SCAF11: variants seen among roughly 807,000 people sequenced by gnomAD.
SCAF11 encodes protein SCAF11.
In SCAF11, 47 loss-of-function variants were observed where a neutral mutation model predicts 140.5. That is an observed-to-expected ratio of 0.33 (90% CI 0.26 to 0.43). The LOEUF (loss-of-function observed/expected upper bound fraction) is 0.43. Among genes scored for constraint, SCAF11 ranks in the 20% least tolerant of loss-of-function variants. SCAF11 has a pLI of 1.00. For missense variants in SCAF11, 1,645 were observed against 1,705.1 expected (o/e 0.96, Z 0.62); for synonymous variants, 557 against 579.4 (o/e 0.96, Z 0.55).
Position 45,922,077 on chromosome 12 carries a change from G to C in SCAF11, c.4363C>G (p.Pro1455Ala), listed in dbSNP as rs746200797. 75 of 1,612,834 alleles carry C rather than the reference G, an allele frequency of 4.7e-5. No individual in the cohort carries two copies. The highest frequency in any genetic ancestry group is 3.3e-4 in the Middle Eastern group (2 of 6,078). ...KGSQKKTLEE[P>A]VSTEKNIG ...CCTATGTTTTTTTCAGTAGACACAG[G>C]TTCTTCCAGAGTTTTCTTTTGGCTC... The change falls in exon 15 of 15, where the codon CCT becomes GCT. Residue 1455 changes from proline to alanine, a missense_variant. Physicochemically the swap from Pro to Ala is conservative, Grantham distance 27 (BLOSUM62 -1). Coordinates refer to ENST00000369367, the MANE Select transcript of SCAF11 (RefSeq NM_004719.3).
chr12:45,929,599 CAGAA>C (rs1459740966), intron 10 of SCAF11: 1 of 152,164 alleles, frequency 6.6e-6, no homozygotes, highest in African/African-American at 2.4e-5. Context: ...AAGCCTGAAA[CAGAA>C]AGGAGACTTC....
upstream of SCAF11, chr12:45,991,929 T>C (rs746889106): frequency 1.3e-5 from 17 of 1,287,742 alleles, no homozygotes; most frequent in Non-Finnish European, 1.3e-5. Flanking sequence ...CGTTTTCCTG[T>C]CGCCTGCCCC....
At position 45,926,874 on chromosome 12, in the gene SCAF11, AG is replaced by A; in HGVS notation, c.2826del (p.Ser943GlnfsTer63). On this transcript the variant is annotated frameshift_variant, in exon 11 of 15. Transcript: ENST00000369367. LOFTEE classifies it high-confidence loss of function. ...WSRSRSHSRS[P>X]SRCRTKSKSS... ...CTCTTACTTTTTGTTCTACATCTTGAGGGGGACCTAGAATGAGATCTGGACC... is the reference window on the plus strand; with the variant it reads ...CTCTTACTTTTTGTTCTACATCTTGAGGGGACCTAGAATGAGATCTGGACC... 1 of 1,613,882 alleles carries A rather than the reference AG, an allele frequency of 6.2e-7. No individual in the cohort carries two copies. The highest frequency in any genetic ancestry group is 8.5e-7 in the Non-Finnish European group (1 of 1,180,032).
chr12:45,922,032 G>C lies in SCAF11; in HGVS notation c.*16C>G. On this transcript the variant is annotated 3_prime_UTR_variant, in exon 15 of 15. Transcript: ENST00000369367. ...TTGCAGATATCCTGATAATGTCCTT[G>C]ACAGCGTTCCCCATTTCAGCCTATG... The C allele has an allele frequency of 6.2e-7, 1 of 1,604,942 alleles. No individual in the cohort carries two copies. Among genetic ancestry groups the C allele is most frequent in the Non-Finnish European group, 8.5e-7 (1 of 1,177,386 alleles).
intron 3 of SCAF11, chr12:45,954,709 A>G (rs1281930378): frequency 6.8e-6 from 1 of 146,630 alleles, no homozygotes; most frequent in Non-Finnish European, 1.5e-5. Flanking sequence ...TAGCTGGGAT[A>G]CATGCATGTA....
chr12:45,945,583 C>T (rs1310957404), intron 5 of SCAF11, among the ~76,000 whole-genome samples: 6 of 143,506 alleles, frequency 4.2e-5, no homozygotes, highest in Admixed American at 3.6e-4. Flanking sequence ...GACACCCAGG[C>T]TGGACTGTTG....
rs755740479 is a variant in SCAF11 at position 45,951,719 on chromosome 12, A to G, written c.228T>C (p.Ala76=). Reference sequence around the variant, plus strand: ...AAGGTTTACGGTCAATAGGACATGAAGCCAGTGTCTGAAAAGTGATTAACA... The same window carrying G: ...AAGGTTTACGGTCAATAGGACATGAGGCCAGTGTCTGAAAAGTGATTAACA... The part of the protein sequence containing the change: ...TCILKWAETL[A]SCPIDRKPFQ... The change falls in exon 4 of 15, where the codon GCT becomes GCC. Residue 76 remains alanine (A), a synonymous_variant. Coordinates refer to ENST00000369367, the MANE Select transcript of SCAF11 (RefSeq NM_004719.3). 1 of 1,583,040 alleles carries G rather than the reference A, an allele frequency of 6.3e-7. No homozygotes were observed. Among genetic ancestry groups the G allele is most frequent in the Non-Finnish European group, 8.6e-7 (1 of 1,159,888 alleles).
intron 1 of SCAF11, among the ~76,000 whole-genome samples, chr12:45,988,576 G>A (rs1318003261): frequency 6.6e-6 from 1 of 152,056 alleles, no homozygotes; most frequent in East Asian, 1.9e-4. Flanking sequence ...CCACATGAAG[G>A]TATTAACAGA....
At position 45,927,203 on chromosome 12, in the gene SCAF11, G is replaced by A. The variant is rs760755774; in HGVS notation, c.2498C>T (p.Pro833Leu). ...TCTGGCTGACTCATTCTTAGGAGAT[G>A]GTGATTGAGACTTCCTGCTTTCTTT... Reference protein sequence around the residue: ...TGKESRKSQSPSPKNESARGR... With the variant: ...TGKESRKSQSLSPKNESARGR... Residue 833 changes from proline to leucine, a missense_variant, in exon 11 of 15, where the codon CCA becomes CTA. Around this residue, in one of 2 missense-constraint regions of SCAF11, gnomAD observed 1,582 missense variants for 1,609.2 expected, o/e 0.98. Transcript: ENST00000369367. 4 of 1,614,074 alleles carry A rather than the reference G, an allele frequency of 2.5e-6. No homozygotes were observed. The highest frequency in any genetic ancestry group is 3.4e-6 in the Non-Finnish European group (4 of 1,180,000).
At chr12:45,963,880 C>CAA (rs749927651) in intron 2 of SCAF11, among the ~76,000 whole-genome samples, 27 of 151,704 alleles carry the variant, frequency 1.8e-4, no homozygotes, top group Non-Finnish European at 3.4e-4. Flanking sequence ...AGAGAGTAAA[C>CAA]CTTTAAGAAA....
chr12:45,939,646 CGAGATCGTGCCATT>C lies in SCAF11; in HGVS notation c.464-5155_464-5142del, dbSNP rs1295542951. Among the ~76,000 whole-genome samples the C allele has an allele frequency of 2.0e-4, 30 of 152,228 alleles. No homozygotes were observed. In the East Asian group the frequency reaches 3.9e-3, roughly 20 times the overall value. ...CCAGGAGGCGGAGGTTGCAGTGAGC[CGAGATCGTGCCATT>C]GAGATCGTGCCATTGCACTCTAGCC... On this transcript the variant is annotated intron_variant, in intron 6 of 14. Coordinates refer to ENST00000369367, the MANE Select transcript of SCAF11 (RefSeq NM_004719.3).
At chr12:45,935,717 C>G (rs1015642050) in intron 6 of SCAF11, among the ~76,000 whole-genome samples, 1 of 152,154 alleles carries the variant, frequency 6.6e-6, no homozygotes, top group Non-Finnish European at 1.5e-5. Flanking sequence ...ATAAAATGCT[C>G]TCTACTGAAA....
At chr12:45,974,639 AGG>A in intron 1 of SCAF11, 1 of 183,110 alleles carries the variant, frequency 5.5e-6, no homozygotes, top group Non-Finnish European at 1.2e-5. Context: ...TCATGTCTTC[AGG>A]CTCCACTTCT....
rs554050659 is a variant in SCAF11 at position 45,968,196 on chromosome 12, TTC to T, written c.-21-4010_-21-4009del. ...AATTATCTATAAGTCAAATTGTATT[TTC>T]TTTTATTGGTTCTACATTTACTAAA... is the stretch of plus-strand genomic sequence containing the variant. On this transcript the variant is annotated intron_variant, in intron 1 of 14. Transcript: ENST00000369367. Among the ~76,000 whole-genome samples, 634 of 152,368 alleles carry T rather than the reference TTC, an allele frequency of 4.2e-3. 1 individual carries two copies. Among genetic ancestry groups the T allele is most frequent in the Middle Eastern group, 0.014 (4 of 294 alleles).
At chr12:45,944,824 AG>A (rs1945381299) in intron 6 of SCAF11, among the ~76,000 whole-genome samples, 1 of 152,244 alleles carries the variant, frequency 6.6e-6, no homozygotes, top group African/African-American at 2.4e-5. Flanking sequence ...GTAAGGCTAG[AG>A]GCCAAACTAC....
At chr12:45,929,098 GAAA>G in intron 10 of SCAF11, 1 of 198,004 alleles carries the variant, frequency 5.1e-6, no homozygotes, top group Non-Finnish European at 9.6e-6. Flanking sequence ...ATTTTATAGA[GAAA>G]AAAAAAAAGG....
intron 1 of SCAF11, among the ~76,000 whole-genome samples, chr12:45,975,910 A>G (rs1946221904): frequency 6.6e-6 from 1 of 152,158 alleles, no homozygotes; most frequent in Admixed American, 6.5e-5. Context: ...ATCACAACAG[A>G]TATAATAATA....
Position 45,934,505 on chromosome 12 carries a change from C to A in SCAF11, c.464G>T (p.Arg155Ile). The A allele has an allele frequency of 6.4e-7, 1 of 1,573,606 alleles. No individual in the cohort carries two copies. The highest frequency in any genetic ancestry group is 8.6e-7 in the Non-Finnish European group (1 of 1,165,672). Residue 155 changes from arginine (R) to isoleucine (I), a missense_variant and splice_region_variant, in exon 7 of 15, where the codon AGA becomes ATA. By Grantham distance (97) the Arg-to-Ile change is moderately conservative. This residue lies in a region of SCAF11 where 1,582 missense variants were observed against 1,609.2 expected (regional missense o/e 0.98). Coordinates refer to ENST00000369367, the MANE Select transcript of SCAF11 (RefSeq NM_004719.3). ...AKVCDLKWIH[R>I]NSLYSETGGK... ...TCCTGTTTCACTGTATAAAGAGTTT[C>A]CTGTACAAAGACATAAAAGGACTTG...
At chr12:45,924,447 A>G (rs1047660651) in intron 12 of SCAF11, among the ~76,000 whole-genome samples, 24 of 152,168 alleles carry the variant, frequency 1.6e-4, no homozygotes, top group African/African-American at 5.6e-4. Context: ...TTTGGCTTAT[A>G]ATTTGGTTTA....
Sources: allele counts gnomAD v4.1 joint callset (sites outside exome capture counted in the v4.1 genomes callset), GRCh38; gene constraint gnomAD v4.1.1; regional missense constraint gnomAD v4.1.1; transcripts MANE v1.5; gene names NCBI Gene and HGNC (gene_info 2026-07-23, HGNC 2026-07-21).